Variants in ULK4 observed in about 807,000 individuals in gnomAD.
The protein encoded by ULK4 is unc-51 like kinase 4.
A neutral mutation model predicts 160.6 loss-of-function variants in ULK4; 133 were observed. The observed-to-expected ratio is 0.83, with a 90% CI of 0.72 to 0.96. The LOEUF (loss-of-function observed/expected upper bound fraction) is 0.96, where lower values mean the gene tolerates loss of function less well. ULK4 is among the 40% of genes least tolerant of loss of function. The pLI, the probability that ULK4 is intolerant of heterozygous loss-of-function variation, is 0.00. For synonymous variants in ULK4, 534 were observed against 539.8 expected, an observed-to-expected ratio of 0.99 and a Z score of 0.15; for missense variants, 1,580 against 1,499.5, an observed-to-expected ratio of 1.05 and a Z score of -0.89.
chr3:41,588,726 G>A (rs2031023900), intron 31 of ULK4, among the ~76,000 whole-genome samples: 1 of 152,104 alleles, frequency 6.6e-6, no homozygotes, highest in African/African-American at 2.4e-5. Context: ...GTTGATATAT[G>A]AACTTTAAAA....
chr3:41,445,237 T>C (rs955150341), intron 34 of ULK4, among the ~76,000 whole-genome samples: 2 of 152,086 alleles, frequency 1.3e-5, no homozygotes, highest in Admixed American at 6.6e-5. Context: ...TACAAACAAA[T>C]GGAAGAACAT....
chr3:41,785,883 C>T (rs149358527), intron 21 of ULK4, among the ~76,000 whole-genome samples: 1 of 152,306 alleles, frequency 6.6e-6, no homozygotes, highest in East Asian at 1.9e-4. Flanking sequence ...GGCTGTGCTC[C>T]AACTCTGATG....
intron 25 of ULK4, among the ~76,000 whole-genome samples, chr3:41,711,866 C>A (rs1309837733): frequency 6.6e-6 from 1 of 152,162 alleles, no homozygotes; most frequent in Non-Finnish European, 1.5e-5. Flanking sequence ...CAATGGAGGA[C>A]CAAAAGAAGC....
At chr3:41,534,244 C>T (rs1342547833) in intron 32 of ULK4, among the ~76,000 whole-genome samples, 2 of 152,184 alleles carry the variant, frequency 1.3e-5, no homozygotes, top group African/African-American at 4.8e-5. Context: ...CTCCATAAAC[C>T]AATGGAGACA....
chr3:41,444,349 G>A (rs892565395), intron 34 of ULK4, among the ~76,000 whole-genome samples: 8 of 141,994 alleles, frequency 5.6e-5, no homozygotes, highest in Non-Finnish European at 3.0e-5. Flanking sequence ...CTTTCTAAAT[G>A]ATTTAAGTGA....
At chr3:41,661,410 T>A (rs1176357102) in intron 30 of ULK4, among the ~76,000 whole-genome samples, 2 of 152,012 alleles carry the variant, frequency 1.3e-5, no homozygotes, top group African/African-American at 4.8e-5. Context: ...CGTGCCCACA[T>A]GTACACAGGT....
chr3:41,491,953 T>C (rs572625661), intron 32 of ULK4, among the ~76,000 whole-genome samples: 11 of 144,370 alleles, frequency 7.6e-5, no homozygotes. Context: ...CATTGTTCAA[T>C]TCCCATCTAT....
At position 41,484,271 on chromosome 3, in the gene ULK4, G is replaced by T. The variant is rs536071729; in HGVS notation, c.3227-21018C>A. Among the ~76,000 whole-genome samples the T allele has an allele frequency of 7.7e-4, 117 of 151,992 alleles. 1 individual carries two copies. The South Asian group carries it at 0.014, about 18-fold the overall frequency. Reference sequence around the variant, plus strand: ...ATACATTTATCAAATAAATATTAGAGACACCCTATATTTACCATATTGTTT... The same window carrying T: ...ATACATTTATCAAATAAATATTAGATACACCCTATATTTACCATATTGTTT... On this transcript the variant is annotated intron_variant, in intron 32 of 36. Coordinates refer to ENST00000301831, the MANE Select transcript of ULK4 (RefSeq NM_017886.4).
At chr3:41,353,653 G>A (rs2080958890) in intron 35 of ULK4, among the ~76,000 whole-genome samples, 1 of 151,110 alleles carries the variant, frequency 6.6e-6, no homozygotes, top group South Asian at 2.1e-4. Context: ...GGGTAATGGA[G>A]CAAGACCCTT....
chr3:41,587,658 G>A (rs889009429), intron 31 of ULK4, among the ~76,000 whole-genome samples: 1 of 152,110 alleles, frequency 6.6e-6, no homozygotes, highest in African/African-American at 2.4e-5. Flanking sequence ...AAAGTCACAT[G>A]AAGGCAAAGG....
chr3:41,827,205 C>A (rs1298660450), intron 18 of ULK4, among the ~76,000 whole-genome samples: 1 of 145,516 alleles, frequency 6.9e-6, no homozygotes, highest in Non-Finnish European at 1.5e-5. Flanking sequence ...CAAGAGAAAG[C>A]AGGAAAGATC....
chr3:41,718,726 G>C (rs1221023611), intron 22 of ULK4, among the ~76,000 whole-genome samples: 1 of 152,042 alleles, frequency 6.6e-6, no homozygotes, highest in Non-Finnish European at 1.5e-5. Context: ...TTACTTCTCA[G>C]GAAGAACTTC....
intron 2 of ULK4, among the ~76,000 whole-genome samples, chr3:41,950,462 T>TC (rs1700252592): frequency 6.6e-6 from 1 of 152,068 alleles, no homozygotes; most frequent in Non-Finnish European, 1.5e-5. Context: ...AGGCTGGTCT[T>TC]GAACTCCAGG....
In ULK4 at chr3:41,639,569, A is replaced by C. The variant is rs182933162; in HGVS notation, c.3072-23852T>G. Among the ~76,000 whole-genome samples, 210 of 152,182 alleles carry C rather than the reference A, an allele frequency of 1.4e-3. 3 individuals are homozygous for C. Among genetic ancestry groups the C allele is most frequent in the Non-Finnish European group, 2.4e-4 (16 of 68,002 alleles). ...ATGGTGAAACCCCATCTCTACTAAA[A>C]ATACAAAAATTAGCCGACCGTGGTG... is the stretch of plus-strand genomic sequence containing the variant. On this transcript the variant is annotated intron_variant, in intron 30 of 36. Coordinates refer to ENST00000301831, the MANE Select transcript of ULK4 (RefSeq NM_017886.4).
intron 35 of ULK4, among the ~76,000 whole-genome samples, chr3:41,285,802 AAAC>A (rs2079446766): frequency 6.6e-6 from 1 of 152,252 alleles, no homozygotes; most frequent in South Asian, 2.1e-4. Flanking sequence ...AGCAAAGATA[AAAC>A]AACTGAAGAG....
chr3:41,525,768 T>C (rs919885916), intron 32 of ULK4, among the ~76,000 whole-genome samples: 1 of 152,262 alleles, frequency 6.6e-6, no homozygotes, highest in African/African-American at 2.4e-5. Flanking sequence ...TGCTTTTCTA[T>C]TTTTAACTCT....
At chr3:41,852,360 C>T (rs1391928672) in intron 17 of ULK4, among the ~76,000 whole-genome samples, 2 of 152,090 alleles carry the variant, frequency 1.3e-5, no homozygotes, top group African/African-American at 4.8e-5. Context: ...GCCATGCAGA[C>T]TAAGTCAAGA....
At chr3:41,744,296 T>G (rs1389047484) in intron 22 of ULK4, among the ~76,000 whole-genome samples, 1 of 151,988 alleles carries the variant, frequency 6.6e-6, no homozygotes, top group African/African-American at 2.4e-5. Flanking sequence ...AACAATGTGC[T>G]GCCTGTAAGA....
At chr3:41,587,910 ATCT>A (rs1281654269) in intron 31 of ULK4, among the ~76,000 whole-genome samples, 1 of 149,902 alleles carries the variant, frequency 6.7e-6, no homozygotes, top group African/African-American at 2.4e-5. Flanking sequence ...TTGAAAAGTG[ATCT>A]TCTGTTATTT....
Sources: gnomAD v4.1 joint callset for allele counts (sites outside exome capture counted in the v4.1 genomes callset) on GRCh38, gnomAD v4.1.1 for gene constraint, MANE v1.5 for transcripts, NCBI Gene and HGNC (gene_info 2026-07-23, HGNC 2026-07-21) for gene names.